The following GSG1L variants were observed in gnomAD, a reference collection of about 807,000 sequenced individuals.
The protein encoded by GSG1L is germ cell-specific gene 1-like protein.
Under a neutral mutation model 42.1 loss-of-function variants are expected in GSG1L, and 24 were observed. The observed-to-expected ratio is 0.57, with a 90% CI of 0.41 to 0.80. GSG1L has a LOEUF of 0.80. GSG1L is among the 30% of genes least tolerant of loss of function. GSG1L has a pLI of 0.00. For missense variants in GSG1L, 445 were observed against 472.2 expected, an observed-to-expected ratio of 0.94 and a Z score of 0.53; for synonymous variants, 215 against 203.5, an observed-to-expected ratio of 1.06 and a Z score of -0.48.
At chr16:27,846,909 A>G (rs1218800243) in intron 3 of GSG1L, among the ~76,000 whole-genome samples, 2 of 149,514 alleles carry the variant, frequency 1.3e-5, no homozygotes, top group African/African-American at 2.5e-5. Context: ...GTGAACCGAG[A>G]TCGTGCCACT....
At chr16:27,911,234 C>T (rs140855583) in intron 2 of GSG1L, among the ~76,000 whole-genome samples, 1 of 146,154 alleles carries the variant, frequency 6.8e-6, no homozygotes, top group South Asian at 2.1e-4. Context: ...AATCTGGCCT[C>T]CTTTCTTCTC....
At chr16:27,816,889 T>C (rs1231407149) in intron 5 of GSG1L, among the ~76,000 whole-genome samples, 1 of 152,012 alleles carries the variant, frequency 6.6e-6, no homozygotes, top group East Asian at 1.9e-4. Flanking sequence ...CACTGTGAGG[T>C]CCTCATGGAA....
intron 6 of GSG1L, 146 bp downstream of exon 6, chr16:27,807,341 C>A (rs1000144555): frequency 6.5e-6 from 4 of 613,302 alleles, no homozygotes; most frequent in Non-Finnish European, 1.1e-5. Context: ...AGACACCAGA[C>A]TCAGTTTCCT....
intron 4 of GSG1L, among the ~76,000 whole-genome samples, chr16:27,840,193 C>G (rs1709791): frequency 0.38 from 57,513 of 151,954 alleles, 11,279 homozygotes; most frequent in African/African-American, 0.45. Context: ...CCACAGCCAG[C>G]TAATTATTTT....
chr16:28,056,428 A>T (rs1444858763), intron 1 of GSG1L, among the ~76,000 whole-genome samples: 2 of 135,004 alleles, frequency 1.5e-5, no homozygotes, highest in Non-Finnish European at 3.1e-5. Flanking sequence ...CAATGAGAAC[A>T]CATGGACACA....
Position 27,938,385 on chromosome 16 carries a change from T to TAAAA in GSG1L, c.397+24767_397+24770dup, listed in dbSNP as rs71140925. Among the ~76,000 whole-genome samples, 969 of 141,208 alleles carry TAAAA rather than the reference T, an allele frequency of 6.9e-3. 7 individuals carry two copies. The highest frequency in any genetic ancestry group is 0.018 in the Middle Eastern group (5 of 272). The allele number at this position is 141,208 out of a possible 152,430, so 92.6% of individuals were successfully genotyped here. On this transcript the variant is annotated intron_variant, in intron 2 of 6. Coordinates refer to ENST00000447459, the MANE Select transcript of GSG1L (RefSeq NM_001109763.2). The stretch of plus-strand genomic sequence containing the variant: ...CCTGGATGACAGAGCGAGACTCCAT[T>TAAAA]AAAAAAAAAAAAAAGGCAGAGGAGC...
chr16:27,788,251 C>T lies in GSG1L; in HGVS notation c.*3119G>A, dbSNP rs2082714151. The stretch of plus-strand genomic sequence containing the variant: ...TTCCTGAATCTGCCCGCATGGTCCC[C>T]TCCCCAGGGCAACTTTCCTAAGCCA... On this transcript the variant is annotated 3_prime_UTR_variant, in exon 7 of 7. Coordinates refer to ENST00000447459, the MANE Select transcript of GSG1L (RefSeq NM_001109763.2). 6.6e-6 allele frequency: 1 copy of T among 152,210 alleles called. No homozygotes were observed. Among genetic ancestry groups the T allele is most frequent in the Non-Finnish European group, 1.5e-5 (1 of 68,062 alleles). 9.4% of individuals were successfully genotyped at this position (152,210 alleles called of 1,614,324 possible). A position where few individuals can be genotyped will look rare whatever the true frequency, so the allele number is the denominator to read the frequency against.
At chr16:27,794,075 C>T (rs551929572) in intron 6 of GSG1L, among the ~76,000 whole-genome samples, 10 of 152,316 alleles carry the variant, frequency 6.6e-5, no homozygotes, top group African/African-American at 2.2e-4. Context: ...AGCGCAGTGG[C>T]GCCATCATGG....
At chr16:27,882,775 CA>C (rs1461904412) in intron 3 of GSG1L, among the ~76,000 whole-genome samples, 2 of 152,106 alleles carry the variant, frequency 1.3e-5, no homozygotes, top group Non-Finnish European at 2.9e-5. Flanking sequence ...GTCAACACAC[CA>C]AGTTAGAATT....
At chr16:27,811,916 G>T (rs1427825175) in intron 5 of GSG1L, among the ~76,000 whole-genome samples, 1 of 152,286 alleles carries the variant, frequency 6.6e-6, no homozygotes, top group Non-Finnish European at 1.5e-5. Context: ...CTCCCAATGT[G>T]CTGGGATTAC....
chr16:27,962,077 A>C (rs2085078624), intron 2 of GSG1L, among the ~76,000 whole-genome samples: 1 of 151,742 alleles, frequency 6.6e-6, no homozygotes, highest in South Asian at 2.1e-4. Flanking sequence ...TACCTGTTTC[A>C]CTCTTGGCAG....
chr16:27,882,971 G>A (rs117435769), intron 3 of GSG1L, among the ~76,000 whole-genome samples: 1,623 of 151,942 alleles, frequency 0.011, 13 homozygotes, highest in South Asian at 0.032. Flanking sequence ...TTAGCTGGTC[G>A]TGGTCGGGGG....
At chr16:27,822,000 C>T (rs2083155865) in intron 5 of GSG1L, among the ~76,000 whole-genome samples, 1 of 152,072 alleles carries the variant, frequency 6.6e-6, no homozygotes, top group Non-Finnish European at 1.5e-5. Context: ...CCAAGGACTA[C>T]CATTTGCCGC....
At chr16:27,955,000 T>C (rs991434818) in intron 2 of GSG1L, among the ~76,000 whole-genome samples, 2 of 152,120 alleles carry the variant, frequency 1.3e-5, no homozygotes, top group African/African-American at 4.8e-5. Flanking sequence ...GCTCAGATGA[T>C]TGGGAAGTCC....
chr16:27,902,157 C>A (rs1596599258), intron 2 of GSG1L, among the ~76,000 whole-genome samples: 1 of 152,206 alleles, frequency 6.6e-6, no homozygotes. Flanking sequence ...GCTCCGGGAA[C>A]CACATCTGGC....
chr16:27,871,922 T>A (rs2141012451), intron 3 of GSG1L, among the ~76,000 whole-genome samples: 1 of 152,328 alleles, frequency 6.6e-6, no homozygotes, highest in East Asian at 1.9e-4. Context: ...GCATGGGGTT[T>A]CTTTTTGGGG....
chr16:27,946,019 A>T (rs2084856229), intron 2 of GSG1L, among the ~76,000 whole-genome samples: 1 of 152,242 alleles, frequency 6.6e-6, no homozygotes, highest in Non-Finnish European at 1.5e-5. Flanking sequence ...AGGTCAGAAC[A>T]CACAGCAAAG....
At chr16:27,875,573 T>A (rs972851346) in intron 3 of GSG1L, among the ~76,000 whole-genome samples, 1 of 152,180 alleles carries the variant, frequency 6.6e-6, no homozygotes, top group Non-Finnish European at 1.5e-5. Context: ...GACAACACAT[T>A]TGGGCTTGTA....
At chr16:28,006,295 T>TTTTATTTATTTA (rs55673236) in intron 1 of GSG1L, among the ~76,000 whole-genome samples, 18,621 of 148,946 alleles carry the variant, frequency 0.13, 1,250 homozygotes, top group Non-Finnish European at 0.14. Context: ...CTTGATTGTA[T>TTTTATTTATTTA]TTTATTTATT....
Sources: gnomAD v4.1 joint callset for allele counts (sites outside exome capture counted in the v4.1 genomes callset) on GRCh38, gnomAD v4.1.1 for gene constraint, MANE v1.5 for transcripts, NCBI Gene and HGNC (gene_info 2026-07-23, HGNC 2026-07-21) for gene names.